The following HPN variants were observed in gnomAD, a reference collection of about 807,000 sequenced individuals.
The protein encoded by HPN is serine protease hepsin.
A neutral mutation model predicts 55.9 loss-of-function variants in HPN; 13 were observed. The ratio of observed to expected loss-of-function variants is 0.23; its 90% CI spans 0.15 to 0.37. The LOEUF is 0.37. HPN is among the 10% of genes least tolerant of loss of function. The pLI is 1.00. For missense variants in HPN, 451 were observed against 575.8 expected (o/e 0.78, Z 2.22); for synonymous variants, 225 against 240.3 (o/e 0.94, Z 0.59).
chr19:35,042,377 GC>G, intron 1 of HPN, 75 bp from the exon 2 acceptor site: 1 of 1,469,208 alleles, frequency 6.8e-7, no homozygotes, highest in South Asian at 1.4e-5. Context: ...CTGGATGGAC[GC>G]CTGGGACTGG....
chr19:35,046,878 A>G (rs1165267064), intron 2 of HPN, among the ~76,000 whole-genome samples: 3 of 151,562 alleles, frequency 2.0e-5, no homozygotes, highest in African/African-American at 7.3e-5. Flanking sequence ...GCCCAAGCTG[A>G]AGTGCAGTGG....
intron 4 of HPN, among the ~76,000 whole-genome samples, chr19:35,055,382 G>A (rs1304088891): frequency 7.2e-6 from 1 of 139,682 alleles, no homozygotes; most frequent in Non-Finnish European, 1.5e-5. Context: ...GGGTGGTGGA[G>A]CGAGACCCTG....
chr19:35,063,898 G>A (rs566908899), intron 9 of HPN, among the ~76,000 whole-genome samples: 1 of 152,230 alleles, frequency 6.6e-6, no homozygotes, highest in African/African-American at 2.4e-5. Context: ...GACTTCCTAG[G>A]GTTATTGAGA....
chr19:35,041,161 T>C (rs1360729384), upstream of HPN, among the ~76,000 whole-genome samples: 1 of 152,122 alleles, frequency 6.6e-6, no homozygotes, highest in Non-Finnish European at 1.5e-5. Flanking sequence ...TATCTAGTGC[T>C]AGGACTTTCT....
At chr19:35,041,676 CTCCCCGCCCCTT>C, upstream of HPN, 1 of 1,103,932 alleles carries the variant, frequency 9.1e-7, no homozygotes, top group Non-Finnish European at 1.1e-6. Context: ...GGTCCGGCCC[CTCCCCGCCCCTT>C]CACCCGCCCC....
In HPN at chr19:35,060,489, G is replaced by A; in HGVS notation, c.597G>A (p.Leu199=). The A allele has an allele frequency of 6.2e-7, 1 of 1,613,150 alleles. No individual in the cohort carries two copies. The highest frequency in any genetic ancestry group is 1.1e-5 in the South Asian group (1 of 91,076). Residue 199 remains leucine, a synonymous_variant, in exon 8 of 13, where the codon CTG becomes CTA. Transcript: ENST00000672452. The part of the protein sequence containing the change: ...GGSLLSGDWV[L]TAAHCFPERN... ...CCCTGCTCTCCGGGGACTGGGTGCT[G>A]ACAGCCGCCCACTGCTTCCCGGAGT...
intron 11 of HPN, 26 bp from the exon 12 acceptor site, chr19:35,065,842 A>G (rs1211518117): frequency 6.2e-7 from 1 of 1,612,770 alleles, no homozygotes; most frequent in African/African-American, 1.3e-5. Flanking sequence ...TTTGGCCTTC[A>G]GCCAGACCTC....
chr19:35,053,260 T>C (rs2064422349), intron 4 of HPN, among the ~76,000 whole-genome samples: 1 of 152,032 alleles, frequency 6.6e-6, no homozygotes, highest in African/African-American at 2.4e-5. Flanking sequence ...AAAGTGATTT[T>C]CCCCCCTAAA....
chr19:35,047,650 C>T (rs2064355127), intron 2 of HPN, among the ~76,000 whole-genome samples: 1 of 152,106 alleles, frequency 6.6e-6, no homozygotes, highest in Non-Finnish European at 1.5e-5. Context: ...GCCAGGCACA[C>T]AGCGGATGTT....
chr19:35,046,637 C>T (rs981398075), intron 2 of HPN, among the ~76,000 whole-genome samples: 2 of 152,178 alleles, frequency 1.3e-5, no homozygotes, highest in African/African-American at 4.8e-5. Flanking sequence ...GGCCTGGTGC[C>T]GGGTTCACCA....
At chr19:35,045,413 A>G (rs941333457) in intron 2 of HPN, among the ~76,000 whole-genome samples, 3 of 152,154 alleles carry the variant, frequency 2.0e-5, no homozygotes, top group African/African-American at 7.2e-5. Context: ...GGCCCGAGAC[A>G]CGGAGCCACC....
intron 6 of HPN, 32 bp from the exon 7 acceptor site, chr19:35,060,097 T>G (rs748600745): frequency 6.2e-7 from 1 of 1,614,114 alleles, no homozygotes; most frequent in Non-Finnish European, 8.5e-7. Flanking sequence ...CTATTTCCTT[T>G]CTTTCTGTGT....
At chr19:35,045,171 G>C (rs1600377285) in intron 2 of HPN, among the ~76,000 whole-genome samples, 1 of 152,100 alleles carries the variant, frequency 6.6e-6, no homozygotes, top group African/African-American at 2.4e-5. Context: ...AGGGTCTAGG[G>C]CTGGGGACAG....
In HPN at chr19:35,060,007, C is replaced by T. The variant is rs765157995; in HGVS notation, c.413+11C>T. On this transcript the variant is annotated intron_variant, in intron 6 of 12. Coordinates refer to ENST00000672452, the MANE Select transcript of HPN (RefSeq NM_001384133.1). Reference sequence around the variant, plus strand: ...GGTCATCTCCGTGTGGTGAGGAGGGCAGCGGGCAGGTGGGGCAACACCTCA... The same window carrying T: ...GGTCATCTCCGTGTGGTGAGGAGGGTAGCGGGCAGGTGGGGCAACACCTCA... The T allele has an allele frequency of 1.3e-6, 2 of 1,594,946 alleles. No individual in the cohort carries two copies. The highest frequency in any genetic ancestry group is 1.7e-6 in the Non-Finnish European group (2 of 1,169,648).
intron 4 of HPN, among the ~76,000 whole-genome samples, chr19:35,051,556 G>A (rs945156972): frequency 4.6e-5 from 7 of 152,108 alleles, no homozygotes; most frequent in African/African-American, 7.2e-5. Context: ...TTTCCTATGG[G>A]GATGCTGAGG....
intron 4 of HPN, among the ~76,000 whole-genome samples, chr19:35,057,492 C>G (rs2064467501): frequency 1.3e-5 from 2 of 150,756 alleles, no homozygotes; most frequent in African/African-American, 4.9e-5. Flanking sequence ...TGTATTTATA[C>G]TATATTATTA....
chr19:35,046,971 G>C (rs2064348145), intron 2 of HPN, among the ~76,000 whole-genome samples: 1 of 152,160 alleles, frequency 6.6e-6, no homozygotes, highest in Admixed American at 6.5e-5. Flanking sequence ...TGGGATTACA[G>C]GTGCCTGCCA....
chr19:35,066,386 G>T lies in HPN; in HGVS notation c.*99G>T. The T allele has an allele frequency of 6.8e-7, 1 of 1,474,338 alleles. No homozygotes were observed. The allele number at this position is 1,474,338 out of a possible 1,614,324, so 91.3% of individuals were successfully genotyped here. A position where few individuals can be genotyped will look rare whatever the true frequency, so the allele number is the denominator to read the frequency against. ...TGGGACGTTTTTCTTCTTGGGCCCG[G>T]TCCACAGGTCCAAGGACACCCTCCC... On this transcript the variant is annotated 3_prime_UTR_variant, in exon 13 of 13. Coordinates refer to ENST00000672452, the MANE Select transcript of HPN (RefSeq NM_001384133.1).
chr19:35,065,205 TG>T, intron 9 of HPN, 44 bp from the exon 10 acceptor site: 1 of 1,402,402 alleles, frequency 7.1e-7, no homozygotes, highest in Non-Finnish European at 1.0e-6. Flanking sequence ...TTGTACCAGG[TG>T]GGGCAGGCCA....
Sources: allele counts gnomAD v4.1 joint callset (sites outside exome capture counted in the v4.1 genomes callset), GRCh38; gene constraint gnomAD v4.1.1; transcripts MANE v1.5; gene names NCBI Gene and HGNC (gene_info 2026-07-23, HGNC 2026-07-21).